The following FCRL1 variants were observed in gnomAD, a reference collection of about 807,000 sequenced individuals.
FCRL1 encodes the protein Fc receptor-like protein 1.
In FCRL1, 34 loss-of-function variants were observed where a neutral mutation model predicts 49.2. That is an observed-to-expected ratio of 0.69 (90% confidence interval 0.53 to 0.92). The LOEUF is 0.92. FCRL1 is among the 40% of genes least tolerant of loss of function. The pLI is 0.00. For missense variants in FCRL1, 524 were observed against 524.1 expected (o/e 1.00, Z 0.00); for synonymous variants, 218 against 201.6 (o/e 1.08, Z -0.69).
chr1:157,819,902 C>A, intron 1 of FCRL1, 105 bp downstream of exon 1: 1 of 1,354,574 alleles, frequency 7.4e-7, no homozygotes, highest in African/African-American at 1.4e-5. Context: ...CACCCCTGAG[C>A]ATTACCTGAC....
intron 9 of FCRL1, 65 bp downstream of exon 9, chr1:157,797,803 C>G: frequency 6.2e-7 from 1 of 1,613,184 alleles, no homozygotes; most frequent in Non-Finnish European, 8.5e-7. Flanking sequence ...TGCACAGCCA[C>G]TGATTGTTCT....
Position 157,807,129 on chromosome 1 carries a change from G to A in FCRL1, c.32-7C>T. 5 of 1,613,716 alleles carry A rather than the reference G, an allele frequency of 3.1e-6. No individual in the cohort carries two copies. The highest frequency in any genetic ancestry group is 4.2e-6 in the Non-Finnish European group (5 of 1,179,830). On this transcript the variant is annotated splice_polypyrimidine_tract_variant and splice_region_variant and intron_variant, in intron 1 of 10. Transcript: ENST00000368176. Reference sequence around the variant, plus strand: ...GCAGGTTCACAGAGTGGAGCTGGGAGAGAATTCAGCAGAGATCAGTACAGA... The same window carrying A: ...GCAGGTTCACAGAGTGGAGCTGGGAAAGAATTCAGCAGAGATCAGTACAGA...
At chr1:157,817,054 T>A (rs555295248) in intron 1 of FCRL1, among the ~76,000 whole-genome samples, 2 of 151,908 alleles carry the variant, frequency 1.3e-5, no homozygotes, top group East Asian at 3.9e-4. Flanking sequence ...ATTGGAAGAA[T>A]AAATACTGTT....
In FCRL1 at chr1:157,796,545, G is replaced by A. The variant is rs117968191; in HGVS notation, c.1219-375C>T. 4.1e-4 allele frequency among the ~76,000 whole-genome samples: 62 copies of A among 152,276 alleles called. 1 individual carries two copies. In the East Asian group the frequency reaches 0.012, roughly 28 times the overall value. On this transcript the variant is annotated intron_variant, in intron 10 of 10. Coordinates refer to ENST00000368176, the MANE Select transcript of FCRL1 (RefSeq NM_052938.5). The stretch of plus-strand genomic sequence containing the variant: ...TTTGAATTTTGTTCTGAGATATCTG[G>A]CTGCCACACCACACTAGACAAAACT...
chr1:157,801,649 G>T, intron 5 of FCRL1, 72 bp from the exon 6 acceptor site: 1 of 1,118,824 alleles, frequency 8.9e-7, no homozygotes, highest in Non-Finnish European at 1.3e-6. Flanking sequence ...CATCTTGGGT[G>T]TGGGTTGTGC....
chr1:157,818,696 GCGTTCTTT>G (rs1198956604), intron 1 of FCRL1, among the ~76,000 whole-genome samples: 25 of 152,182 alleles, frequency 1.6e-4, no homozygotes, highest in Non-Finnish European at 2.4e-4. Flanking sequence ...AGTGGGTATG[GCGTTCTTT>G]CTTGGGTGAT....
chr1:157,807,334 T>C (rs1308479221), intron 1 of FCRL1, among the ~76,000 whole-genome samples: 2 of 152,064 alleles, frequency 1.3e-5, no homozygotes, highest in African/African-American at 2.4e-5. Flanking sequence ...CTGCTTCTTT[T>C]CTTCTTTCTC....
chr1:157,802,002 T>A lies in FCRL1; in HGVS notation c.799A>T (p.Thr267Ser), dbSNP rs1393138400. The A allele has an allele frequency of 1.2e-6, 2 of 1,614,054 alleles. No homozygotes were observed. Among genetic ancestry groups the A allele is most frequent in the Non-Finnish European group, 1.7e-6 (2 of 1,180,026 alleles). The change falls in exon 5 of 11, where the codon ACT (threonine) becomes TCT (serine). Residue 267 changes from threonine to serine, a missense_variant. Coordinates refer to ENST00000368176, the MANE Select transcript of FCRL1 (RefSeq NM_052938.5). ...GAGTAGTTTCCAGAATGTTCTTCAGTCAGGGAAAGGTTGAAGGAGGCTCCT... is the reference window on the plus strand; with the variant it reads ...GAGTAGTTTCCAGAATGTTCTTCAGACAGGGAAAGGTTGAAGGAGGCTCCT... ...GGGASFNLSL[T>S]EEHSGNYSCE...
chr1:157,796,025 G>C lies in FCRL1; in HGVS notation c.*74C>G. On this transcript the variant is annotated 3_prime_UTR_variant, in exon 11 of 11. Transcript: ENST00000368176. ...GTATACTGGAAAGCTAATGCCCCAG[G>C]ATCTCTGAAGAACATATCAGGCCTG... The C allele has an allele frequency of 8.1e-7, 1 of 1,234,568 alleles. No individual in the cohort carries two copies. Among genetic ancestry groups the C allele is most frequent in the Non-Finnish European group, 1.2e-6 (1 of 835,078 alleles). 76.5% of individuals were successfully genotyped at this position (1,234,568 alleles called of 1,614,324 possible).
intron 1 of FCRL1, 94 bp downstream of exon 1, chr1:157,819,913 A>AT (rs1655559686): frequency 2.7e-6 from 4 of 1,467,508 alleles, no homozygotes; most frequent in Non-Finnish European, 3.8e-6. Context: ...ATTACCTGAC[A>AT]GAACCTTAGT....
Position 157,819,992 on chromosome 1 carries a change from A to C in FCRL1, c.31+15T>G, listed in dbSNP as rs748591458. The C allele has an allele frequency of 1.2e-6, 2 of 1,614,014 alleles. No homozygotes were observed. Among genetic ancestry groups the C allele is most frequent in the South Asian group, 1.1e-5 (1 of 91,080 alleles). ...TGATTGCATCCCATGCCCTGCTCTG[A>C]GTTGCCCAACTCACCACAGATCAAC... On this transcript the variant is annotated intron_variant, in intron 1 of 10. Transcript: ENST00000368176.
At chr1:157,801,392 A>G (rs1652439042) in intron 6 of FCRL1, 69 bp downstream of exon 6, 1 of 1,024,860 alleles carries the variant, frequency 9.8e-7, no homozygotes, top group Non-Finnish European at 1.5e-6. Flanking sequence ...TATACATGTC[A>G]CAATTTCAGC....
chr1:157,805,489 G>A (rs1653288702), intron 2 of FCRL1, among the ~76,000 whole-genome samples: 1 of 152,142 alleles, frequency 6.6e-6, no homozygotes, highest in African/African-American at 2.4e-5. Context: ...CAGAATATTT[G>A]CTTTGTCCTG....
At position 157,795,036 on chromosome 1, in the gene FCRL1, G is replaced by A. The variant is rs1403633036; in HGVS notation, c.*1063C>T. ...GTTTTTAACAATAGTTAACATTTGTGTTAACTTACAGGAAAGACTTTAACT... is the reference window on the plus strand; with the variant it reads ...GTTTTTAACAATAGTTAACATTTGTATTAACTTACAGGAAAGACTTTAACT... On this transcript the variant is annotated 3_prime_UTR_variant, in exon 11 of 11. Coordinates refer to ENST00000368176, the MANE Select transcript of FCRL1 (RefSeq NM_052938.5). 6.6e-6 allele frequency: 1 copy of A among 152,166 alleles called. No homozygotes were observed. The highest frequency in any genetic ancestry group is 1.5e-5 in the Non-Finnish European group (1 of 68,020). The allele number at this position is 152,166 out of a possible 1,614,324, so 9.4% of individuals were successfully genotyped here.
At position 157,795,701 on chromosome 1, in the gene FCRL1, G is replaced by A. The variant is rs537424817; in HGVS notation, c.*398C>T. The A allele has an allele frequency of 7.1e-4, 115 of 161,766 alleles. No homozygotes were observed. The highest frequency in any genetic ancestry group is 3.1e-3 in the Middle Eastern group (1 of 324). The allele number at this position is 161,766 out of a possible 1,614,324, so 10.0% of individuals were successfully genotyped here. ...GAGAAAGCACTTGGACTGAATGATG[G>A]GCACAGCTCTCTCTGTGAAGTCCTG... is the stretch of plus-strand genomic sequence containing the variant. On this transcript the variant is annotated 3_prime_UTR_variant, in exon 11 of 11. Coordinates refer to ENST00000368176, the MANE Select transcript of FCRL1 (RefSeq NM_052938.5).
intron 2 of FCRL1, among the ~76,000 whole-genome samples, chr1:157,804,491 G>A (rs1401736830): frequency 6.6e-6 from 1 of 152,146 alleles, no homozygotes; most frequent in Non-Finnish European, 1.5e-5. Context: ...TTTATTCAAA[G>A]TGAATATGCT....
In FCRL1 at chr1:157,794,835, T is replaced by G. The variant is rs1028135285; in HGVS notation, c.*1264A>C. ...AAAAAAAGAAAAAAGTTATGATTTA[T>G]CTATATAACACACTACTATAGAGAC... On this transcript the variant is annotated 3_prime_UTR_variant, in exon 11 of 11. Transcript: ENST00000368176. 3.3e-5 allele frequency: 5 copies of G among 152,190 alleles called. No individual in the cohort carries two copies. The highest frequency in any genetic ancestry group is 1.2e-4 in the African/African-American group (5 of 41,458). The allele number at this position is 152,190 out of a possible 1,614,324, so 9.4% of individuals were successfully genotyped here. A position where few individuals can be genotyped will look rare whatever the true frequency, so the allele number is the denominator to read the frequency against.
intron 1 of FCRL1, among the ~76,000 whole-genome samples, chr1:157,813,395 G>A (rs1027281075): frequency 1.3e-5 from 2 of 152,220 alleles, no homozygotes; most frequent in East Asian, 3.9e-4. Context: ...AAAACATATA[G>A]ATATCATGAA....
At position 157,794,427 on chromosome 1, in the gene FCRL1, A is replaced by G. The variant is rs1651204255; in HGVS notation, c.*1672T>C. On this transcript the variant is annotated 3_prime_UTR_variant, in exon 11 of 11. Transcript: ENST00000368176. The stretch of plus-strand genomic sequence containing the variant: ...CTTTATAAATTACCCAGTCTTGGAT[A>G]TGTCTTTATTAGCAATGTGAAAACT... 6.6e-6 allele frequency: 1 copy of G among 152,204 alleles called. No individual in the cohort carries two copies. The highest frequency in any genetic ancestry group is 2.4e-5 in the African/African-American group (1 of 41,454). The allele number at this position is 152,204 out of a possible 1,614,324, so 9.4% of individuals were successfully genotyped here.
Sources: gnomAD v4.1 joint callset for allele counts (sites outside exome capture counted in the v4.1 genomes callset) on GRCh38, gnomAD v4.1.1 for gene constraint, MANE v1.5 for transcripts, NCBI Gene and HGNC (gene_info 2026-07-23, HGNC 2026-07-21) for gene names.